Variants in GDA observed in about 807,000 individuals in gnomAD.
The protein encoded by GDA is cytoplasmic PSD-95 interactor.
In GDA, 18 loss-of-function variants were observed where a neutral mutation model predicts 59.6. The observed-to-expected ratio is 0.30, with a 90% CI of 0.21 to 0.45. The LOEUF is 0.45. Among genes scored for constraint, GDA ranks in the 20% least tolerant of loss-of-function variants. The probability of loss-of-function intolerance (pLI) is 1.00; values close to 1 mark genes in which losing one functional copy is unlikely to be tolerated. For missense variants in GDA, 427 were observed against 552.3 expected (o/e 0.77, Z 2.27); for synonymous variants, 201 against 201.1 (o/e 1.00, Z 0.00).
Position 72,137,242 on chromosome 9 carries a change from C to CTTT in GDA, c.-100+22428_-100+22430dup, listed in dbSNP as rs143364725. On this transcript the variant is annotated intron_variant, in intron 1 of 13. Coordinates refer to the GDA transcript ENST00000545168. ...AAAATTAGGATCCTTTTCTTTTTTTCTTTTTTTTTTTTTTTTTTTTTGAGA... is the reference window on the plus strand; with the variant it reads ...AAAATTAGGATCCTTTTCTTTTTTTCTTTTTTTTTTTTTTTTTTTTTTTTGAGA... Among the ~76,000 whole-genome samples, 555 of 84,498 alleles carry CTTT rather than the reference C, an allele frequency of 6.6e-3. 8 individuals carry two copies. Among genetic ancestry groups the CTTT allele is most frequent in the East Asian group, 8.7e-3 (21 of 2,424 alleles). 55.4% of individuals were successfully genotyped at this position (84,498 alleles called of 152,430 possible).
In GDA at chr9:72,149,518, C is replaced by A; in HGVS notation, c.-42C>A. 1 of 1,602,384 alleles carries A rather than the reference C, an allele frequency of 6.2e-7. No individual in the cohort carries two copies. On this transcript the variant is annotated 5_prime_UTR_variant, in exon 1 of 14. Transcript: ENST00000358399. ...TCCCGCTGCGTCTCCGCCGCGTGCG[C>A]CCTCCTCGACCAGCAGACCCGCGCT...
chr9:72,117,219 A>T (rs1331832339), intron 1 of GDA, among the ~76,000 whole-genome samples: 1 of 152,110 alleles, frequency 6.6e-6, no homozygotes, highest in Non-Finnish European at 1.5e-5. Context: ...TGTTTAATTA[A>T]ATGGACTCTG....
At chr9:72,227,804 A>T in intron 8 of GDA, 139 bp from the exon 9 acceptor site, 1 of 616,204 alleles carries the variant, frequency 1.6e-6, no homozygotes, top group Non-Finnish European at 2.9e-6. Flanking sequence ...CTTTGTACAT[A>T]TAGATCATCA....
downstream of GDA, among the ~76,000 whole-genome samples, chr9:72,253,045 ATCC>A (rs1840794265): frequency 6.6e-6 from 1 of 152,142 alleles, no homozygotes; most frequent in Non-Finnish European, 1.5e-5. Flanking sequence ...GATATTACGG[ATCC>A]TCCTTTACAC....
At chr9:72,160,036 A>T (rs184626830) in intron 1 of GDA, among the ~76,000 whole-genome samples, 42 of 152,320 alleles carry the variant, frequency 2.8e-4, no homozygotes, top group Admixed American at 2.2e-3. Context: ...GCGGTGGCTC[A>T]TGCCTATAAT....
chr9:72,211,798 G>T (rs1364453072), intron 4 of GDA, among the ~76,000 whole-genome samples: 1 of 152,202 alleles, frequency 6.6e-6, no homozygotes, highest in Non-Finnish European at 1.5e-5. Context: ...TAGAGGAGTG[G>T]ATTCATCGCC....
intron 1 of GDA, among the ~76,000 whole-genome samples, chr9:72,125,319 A>ACTCCCTCC (rs144585463): frequency 2.9e-4 from 37 of 127,388 alleles, no homozygotes; most frequent in South Asian, 5.1e-4. Flanking sequence ...TCCTTCCTTT[A>ACTCCCTCC]CTCCCTCCCT....
At chr9:72,247,893 A>G (rs1357852317) in intron 13 of GDA, among the ~76,000 whole-genome samples, 1 of 152,188 alleles carries the variant, frequency 6.6e-6, no homozygotes, top group Non-Finnish European at 1.5e-5. Context: ...GGACTGAGTG[A>G]ACTCAAGATG....
At chr9:72,127,784 AT>A in intron 1 of GDA, among the ~76,000 whole-genome samples, 1 of 152,344 alleles carries the variant, frequency 6.6e-6, no homozygotes. Flanking sequence ...AAATGAAATA[AT>A]GCATGAGACT....
intron 1 of GDA, among the ~76,000 whole-genome samples, chr9:72,152,734 G>T (rs1827369786): frequency 6.6e-6 from 1 of 152,076 alleles, no homozygotes; most frequent in South Asian, 2.1e-4. Flanking sequence ...CTCCCATTTT[G>T]TAGGTTGCCT....
At chr9:72,178,687 G>C (rs2131046043) in intron 1 of GDA, among the ~76,000 whole-genome samples, 1 of 152,156 alleles carries the variant, frequency 6.6e-6, no homozygotes, top group Middle Eastern at 3.4e-3. Context: ...CAAAGTGCTG[G>C]GATTACAGGC....
At chr9:72,212,837 C>T (rs1835553680) in intron 4 of GDA, among the ~76,000 whole-genome samples, 1 of 152,010 alleles carries the variant, frequency 6.6e-6, no homozygotes, top group African/African-American at 2.4e-5. Context: ...TGTAGGTATG[C>T]CAATGACTAA....
At chr9:72,153,134 T>C (rs1827433147) in intron 1 of GDA, among the ~76,000 whole-genome samples, 1 of 152,200 alleles carries the variant, frequency 6.6e-6, no homozygotes, top group Non-Finnish European at 1.5e-5. Flanking sequence ...GGCTCTGTTC[T>C]GTTCCATTGA....
chr9:72,128,571 C>CAT (rs578088068), intron 1 of GDA, among the ~76,000 whole-genome samples: 1 of 152,016 alleles, frequency 6.6e-6, no homozygotes, highest in African/African-American at 2.4e-5. Context: ...ATATATGTAA[C>CAT]ATATATATAA....
At chr9:72,203,342 G>A (rs2131356534) in intron 3 of GDA, among the ~76,000 whole-genome samples, 1 of 152,332 alleles carries the variant, frequency 6.6e-6, no homozygotes, top group East Asian at 1.9e-4. Flanking sequence ...TTGCAAGGAA[G>A]GAAAATAGGA....
At chr9:72,115,072 G>C in intron 1 of GDA, among the ~76,000 whole-genome samples, 1 of 152,192 alleles carries the variant, frequency 6.6e-6, no homozygotes, top group Non-Finnish European at 1.5e-5. Context: ...GGAGGAGCAG[G>C]GGATAAAGGC....
At chr9:72,237,748 A>G (rs1159727152) in intron 10 of GDA, among the ~76,000 whole-genome samples, 1 of 152,168 alleles carries the variant, frequency 6.6e-6, no homozygotes, top group Non-Finnish European at 1.5e-5. Flanking sequence ...TCTCCTTTTT[A>G]GAGAATTCAT....
chr9:72,250,181 A>G lies in GDA; in HGVS notation c.*1839A>G, dbSNP rs993139731. The G allele has an allele frequency of 2.5e-4, 250 of 984,428 alleles. 2 individuals are homozygous for G. Among genetic ancestry groups the G allele is most frequent in the Non-Finnish European group, 3.0e-4 (246 of 829,118 alleles). 61.0% of individuals were successfully genotyped at this position (984,428 alleles called of 1,614,324 possible). A position where few individuals can be genotyped will look rare whatever the true frequency, so the allele number is the denominator to read the frequency against. On this transcript the variant is annotated 3_prime_UTR_variant, in exon 14 of 14. Transcript: ENST00000358399. ...TTATCACTCAACCCCTGCCAAAGGA[A>G]CTTGATTACATGGTGTCTAACCAAA...
intron 1 of GDA, among the ~76,000 whole-genome samples, chr9:72,141,553 T>C (rs536391000): frequency 6.6e-6 from 1 of 152,276 alleles, no homozygotes; most frequent in South Asian, 2.1e-4. Context: ...AAAGAGGCAC[T>C]AATTGTGTAG....
Sources: allele counts gnomAD v4.1 joint callset (sites outside exome capture counted in the v4.1 genomes callset), GRCh38; gene constraint gnomAD v4.1.1; transcripts MANE v1.5; gene names NCBI Gene and HGNC (gene_info 2026-07-23, HGNC 2026-07-21).